MAGI1: variants seen among roughly 807,000 people sequenced by gnomAD.
MAGI1 encodes the protein membrane-associated guanylate kinase, WW and PDZ domain-containing protein 1.
Under a neutral mutation model 139.9 loss-of-function variants are expected in MAGI1, and 58 were observed. The ratio of observed to expected loss-of-function variants is 0.41; its 90% CI spans 0.34 to 0.52. The LOEUF (loss-of-function observed/expected upper bound fraction) is 0.52, where lower values mean the gene tolerates loss of function less well. MAGI1 is among the 20% of genes least tolerant of loss of function. MAGI1 has a pLI of 0.12. For missense variants in MAGI1, 1,874 were observed against 1,901.6 expected (o/e 0.99, Z 0.27); for synonymous variants, 812 against 737.9 (o/e 1.10, Z -1.63).
chr3:65,606,249 C>T (rs915693675), intron 2 of MAGI1, among the ~76,000 whole-genome samples: 5 of 152,184 alleles, frequency 3.3e-5, no homozygotes, highest in African/African-American at 1.2e-4. Flanking sequence ...TTTCCACATC[C>T]AAAACCTATG....
chr3:65,403,667 G>C (rs965110915), intron 12 of MAGI1, among the ~76,000 whole-genome samples: 3 of 152,072 alleles, frequency 2.0e-5, no homozygotes, highest in Non-Finnish European at 4.4e-5. Flanking sequence ...TGAAAATTTG[G>C]AAACAATCCC....
intron 1 of MAGI1, among the ~76,000 whole-genome samples, chr3:65,987,817 C>T (rs906487941): frequency 1.3e-5 from 2 of 152,222 alleles, no homozygotes; most frequent in Admixed American, 1.3e-4. Flanking sequence ...AATCTGCCTG[C>T]CTTGGCCTCC....
intron 1 of MAGI1, among the ~76,000 whole-genome samples, chr3:65,655,305 A>G (rs2085811094): frequency 6.6e-6 from 1 of 152,230 alleles, no homozygotes; most frequent in African/African-American, 2.4e-5. Flanking sequence ...TAAAGGCTCA[A>G]AAAACACATA....
chr3:65,970,407 G>A (rs2064965108), intron 1 of MAGI1, among the ~76,000 whole-genome samples: 1 of 152,014 alleles, frequency 6.6e-6, no homozygotes, highest in African/African-American at 2.4e-5. Context: ...AAGTTGTGGA[G>A]AGGAATGGTG....
chr3:65,947,770 T>A (rs1318782317), intron 1 of MAGI1, among the ~76,000 whole-genome samples: 2 of 151,378 alleles, frequency 1.3e-5, no homozygotes, highest in African/African-American at 2.4e-5. Flanking sequence ...GCATGCACCA[T>A]CATGCCCAGC....
chr3:65,733,576 T>A (rs2034411095), intron 1 of MAGI1, among the ~76,000 whole-genome samples: 1 of 152,186 alleles, frequency 6.6e-6, no homozygotes, highest in South Asian at 2.1e-4. Flanking sequence ...CTCATCCATC[T>A]CTCACACAAT....
At chr3:65,509,546 A>C (rs1017699973) in intron 2 of MAGI1, among the ~76,000 whole-genome samples, 4 of 152,196 alleles carry the variant, frequency 2.6e-5, no homozygotes, top group African/African-American at 9.6e-5. Context: ...GGGGTGACGG[A>C]CGCACCTGGA....
rs75507302 is a variant in MAGI1 at position 65,486,518 on chromosome 3, A to G, written c.550+6994T>C. 6.2e-3 allele frequency among the ~76,000 whole-genome samples: 942 copies of G among 152,340 alleles called. 4 individuals are homozygous for G. The highest frequency in any genetic ancestry group is 8.5e-3 in the Non-Finnish European group (577 of 68,042). On this transcript the variant is annotated intron_variant, in intron 3 of 22. Coordinates refer to ENST00000402939, the MANE Select transcript of MAGI1 (RefSeq NM_001033057.2). ...AAGCAAGGGAAAAGGGAAATGGTTC[A>G]GCTGATTTATTTTAAGCACCATATC...
chr3:66,014,716 G>A (rs1297354307), intron 1 of MAGI1, among the ~76,000 whole-genome samples: 1 of 152,168 alleles, frequency 6.6e-6, no homozygotes, highest in African/African-American at 2.4e-5. Flanking sequence ...ATCATTTCAA[G>A]ACCAAGAGTT....
At chr3:65,861,048 T>A (rs184581111) in intron 1 of MAGI1, among the ~76,000 whole-genome samples, 1 of 152,242 alleles carries the variant, frequency 6.6e-6, no homozygotes, top group East Asian at 1.9e-4. Context: ...AGCATCTCCA[T>A]GGATGTGAGA....
At chr3:65,812,454 T>A (rs2041306789) in intron 1 of MAGI1, among the ~76,000 whole-genome samples, 1 of 112,470 alleles carries the variant, frequency 8.9e-6, no homozygotes, top group African/African-American at 3.9e-5. Context: ...TTTCTCTCTC[T>A]CTCTCTCTCT....
intron 2 of MAGI1, among the ~76,000 whole-genome samples, chr3:65,580,942 T>C (rs2081390221): frequency 6.6e-6 from 1 of 152,178 alleles, no homozygotes; most frequent in African/African-American, 2.4e-5. Context: ...TCAAATGGGC[T>C]CCACCTGCAA....
intron 22 of MAGI1, chr3:65,359,103 C>A (rs1273297654): frequency 1.2e-6 from 2 of 1,614,068 alleles, no homozygotes; most frequent in Admixed American, 3.3e-5. Flanking sequence ...AGCAAGCCTC[C>A]CCGAGCTTTT....
At chr3:65,626,042 A>G (rs2083952456) in intron 1 of MAGI1, among the ~76,000 whole-genome samples, 1 of 152,330 alleles carries the variant, frequency 6.6e-6, no homozygotes, top group South Asian at 2.1e-4. Context: ...GAGTAAAAAA[A>G]TAATGTTTAC....
Position 65,356,217 on chromosome 3 carries a change from A to AT in MAGI1, c.*160dup, listed in dbSNP as rs1373042408. ...ATCAGGCACAATACTTTTCATATAT[A>AT]TTTTTTCTTATAAGATTTCAAATGC... On this transcript the variant is annotated 3_prime_UTR_variant, in exon 23 of 23. Coordinates refer to ENST00000402939, the MANE Select transcript of MAGI1 (RefSeq NM_001033057.2). 6.2e-6 allele frequency: 4 copies of AT among 646,242 alleles called. No homozygotes were observed. Among genetic ancestry groups the AT allele is most frequent in the Non-Finnish European group, 9.8e-6 (4 of 407,458 alleles). The allele number at this position is 646,242 out of a possible 1,614,324, so 40.0% of individuals were successfully genotyped here. A position where few individuals can be genotyped will look rare whatever the true frequency, so the allele number is the denominator to read the frequency against.
chr3:65,439,905 T>A lies in MAGI1; in HGVS notation c.1244A>T (p.Gln415Leu), dbSNP rs756194119. Residue 415 changes from glutamine to leucine, a missense_variant, in exon 9 of 23, where the codon CAG becomes CTG. Physicochemically the swap from Gln to Leu is moderately radical, Grantham distance 113 (BLOSUM62 -2). This residue lies in a region of MAGI1 where 648 missense variants were observed against 598.1 expected (regional missense o/e 1.08). Coordinates refer to ENST00000402939, the MANE Select transcript of MAGI1 (RefSeq NM_001033057.2). The stretch of plus-strand genomic sequence containing the variant: ...TTCTGTCTGCTGCTGCTGCTGCTGC[T>A]GCTGCTGCTGTTGCTGCTGCTGTTG... ...QQQQQQQQQQ[Q>L]QQQQQQTEEW... 2.7e-5 allele frequency: 43 copies of A among 1,606,212 alleles called. 1 individual carries two copies. The Admixed American group carries it at 7.2e-4, about 27-fold the overall frequency.
chr3:65,812,699 C>CTTTTTTTTTTT (rs539502538), intron 1 of MAGI1, among the ~76,000 whole-genome samples: 2 of 72,892 alleles, frequency 2.7e-5, no homozygotes, highest in Non-Finnish European at 4.9e-5. Context: ...AGTTAGTTTA[C>CTTTTTTTTTTT]TTTTTTTTTT....
intron 1 of MAGI1, among the ~76,000 whole-genome samples, chr3:65,800,659 A>G (rs2040459064): frequency 1.3e-5 from 2 of 152,110 alleles, no homozygotes; most frequent in African/African-American, 4.8e-5. Flanking sequence ...CTGATGTAAG[A>G]AATTGGCAAA....
At chr3:65,971,582 G>C (rs1221532901) in intron 1 of MAGI1, among the ~76,000 whole-genome samples, 1 of 152,174 alleles carries the variant, frequency 6.6e-6, no homozygotes, top group East Asian at 1.9e-4. Flanking sequence ...CTACATCCAA[G>C]TCAAGCACAT....
Sources: gnomAD v4.1 joint callset for allele counts (sites outside exome capture counted in the v4.1 genomes callset) on GRCh38, gnomAD v4.1.1 for gene constraint, gnomAD v4.1.1 regional missense constraint, MANE v1.5 for transcripts, NCBI Gene and HGNC (gene_info 2026-07-23, HGNC 2026-07-21) for gene names.